CD70: variants seen among roughly 807,000 people sequenced by gnomAD.
The protein encoded by CD70 is CD70 molecule.
In CD70, 6 loss-of-function variants were observed where a neutral mutation model predicts 9.0. The ratio of observed to expected loss-of-function variants is 0.67; its 90% CI spans 0.37 to 1.32. The LOEUF (loss-of-function observed/expected upper bound fraction) is 1.32. Ranked by LOEUF, CD70 falls within the 40% of genes most tolerant of loss-of-function variation. CD70 has a pLI of 0.02. For missense variants in CD70, 235 were observed against 258.7 expected (o/e 0.91, Z 0.63); for synonymous variants, 108 against 112.3 (o/e 0.96, Z 0.24).
chr19:6,587,558 G>A (rs1376378243), intron 2 of CD70, among the ~76,000 whole-genome samples: 1 of 152,144 alleles, frequency 6.6e-6, no homozygotes, highest in Non-Finnish European at 1.5e-5. Flanking sequence ...GTGCACGAGA[G>A]AATTCCCCAA....
intron 2 of CD70, among the ~76,000 whole-genome samples, chr19:6,588,042 C>T (rs765299836): frequency 2.6e-5 from 4 of 152,160 alleles, no homozygotes; most frequent in Non-Finnish European, 5.9e-5. Context: ...CTCAGCGTCT[C>T]CTGTCTCCGC....
At chr19:6,586,820 G>A (rs1181231097) in intron 2 of CD70, among the ~76,000 whole-genome samples, 3 of 141,950 alleles carry the variant, frequency 2.1e-5, no homozygotes, top group African/African-American at 7.7e-5. Flanking sequence ...GGGATAGAAG[G>A]TTAGAGATCT....
At chr19:6,583,036 A>G, downstream of CD70, 1 of 298,758 alleles carries the variant, frequency 3.3e-6, no homozygotes, top group Non-Finnish European at 6.2e-6. Context: ...GAGGGGCTGC[A>G]GGGCTAGATT....
At chr19:6,587,333 A>G (rs1000811916) in intron 2 of CD70, among the ~76,000 whole-genome samples, 1 of 150,340 alleles carries the variant, frequency 6.7e-6, no homozygotes, top group Non-Finnish European at 1.5e-5. Flanking sequence ...CAAGAGAGAG[A>G]GTGTGTGTGT....
chr19:6,589,020 G>C (rs1013239154), intron 2 of CD70, among the ~76,000 whole-genome samples: 1 of 152,188 alleles, frequency 6.6e-6, no homozygotes, highest in African/African-American at 2.4e-5. Flanking sequence ...TTCCAAGGGA[G>C]GAGATCGAAT....
At chr19:6,585,024 C>A (rs2059154), downstream of CD70, among the ~76,000 whole-genome samples, 58,006 of 151,692 alleles carry the variant, frequency 0.38, 11,365 homozygotes, top group East Asian at 0.68. Context: ...TGCGACACCC[C>A]TCACCAGGCT....
In CD70 at chr19:6,590,031, GTCTT is replaced by G. The variant is rs1916122302; in HGVS notation, c.196+68_196+71del. 4 of 1,256,548 alleles carry G rather than the reference GTCTT, an allele frequency of 3.2e-6. No homozygotes were observed. Among genetic ancestry groups the G allele is most frequent in the Non-Finnish European group, 4.6e-6 (4 of 873,490 alleles). 77.8% of individuals were successfully genotyped at this position (1,256,548 alleles called of 1,614,324 possible). A position where few individuals can be genotyped will look rare whatever the true frequency, so the allele number is the denominator to read the frequency against. The stretch of plus-strand genomic sequence containing the variant: ...TCTTTCTCTCTGTCTCTCCCCACTT[GTCTT>G]TCTACCTCTCCTTCCTTCTCTCTCT... On this transcript the variant is annotated intron_variant, in intron 2 of 2. Coordinates refer to ENST00000245903, the MANE Select transcript of CD70 (RefSeq NM_001252.5). The surrounding 1 kb of genome is among the most constrained non-coding windows in gnomAD (Gnocchi z 5.3).
At chr19:6,581,782 A>C (rs1915922034), downstream of CD70, among the ~76,000 whole-genome samples, 1 of 152,148 alleles carries the variant, frequency 6.6e-6, no homozygotes, top group Non-Finnish European at 1.5e-5. Flanking sequence ...TCCTCAAACT[A>C]GTCATGCCTT....
intron 2 of CD70, among the ~76,000 whole-genome samples, chr19:6,588,382 G>C (rs902075847): frequency 2.0e-5 from 3 of 152,092 alleles, no homozygotes; most frequent in African/African-American, 7.2e-5. Context: ...TATGGCAAAG[G>C]CCGGGGAGGG....
chr19:6,586,429 T>G (rs373925606), intron 2 of CD70, 24 bp from the exon 3 acceptor site: 2 of 1,579,486 alleles, frequency 1.3e-6, no homozygotes, highest in African/African-American at 1.4e-5. Context: ...GTTAGAGGGA[T>G]GAGAGGATGG....
chr19:6,586,575 G>A (rs1430956189), intron 2 of CD70, among the ~76,000 whole-genome samples, 170 bp from the exon 3 acceptor site: 1 of 152,112 alleles, frequency 6.6e-6, no homozygotes, highest in Non-Finnish European at 1.5e-5. Flanking sequence ...AAGGCGGGTG[G>A]ATCACCTGAG....
At chr19:6,589,972 T>A (rs994161291) in intron 2 of CD70, 131 bp downstream of exon 2, 8 of 576,962 alleles carry the variant, frequency 1.4e-5, no homozygotes, top group Non-Finnish European at 1.3e-5. Flanking sequence ...TCCCTATCTC[T>A]CCCTCCCTCT....
At chr19:6,582,385 T>C (rs1915935215), downstream of CD70, among the ~76,000 whole-genome samples, 1 of 149,526 alleles carries the variant, frequency 6.7e-6, no homozygotes, top group South Asian at 2.1e-4. Context: ...CTTTAAGTTC[T>C]AGGGTACATG....
downstream of CD70, among the ~76,000 whole-genome samples, chr19:6,584,932 TTTA>T (rs1246884106): frequency 4.0e-5 from 6 of 151,624 alleles, no homozygotes; most frequent in Admixed American, 2.6e-4. Context: ...CAAGTGATCT[TTTA>T]TTATTATTAT....
At chr19:6,589,735 C>G (rs1245097392) in intron 2 of CD70, among the ~76,000 whole-genome samples, 1 of 151,538 alleles carries the variant, frequency 6.6e-6, no homozygotes, top group Non-Finnish European at 1.5e-5. Context: ...TCTTTTTTCT[C>G]TTTCTCCGTC....
At chr19:6,586,967 TAG>T (rs1282919909) in intron 2 of CD70, among the ~76,000 whole-genome samples, 1 of 134,338 alleles carries the variant, frequency 7.4e-6, no homozygotes, top group African/African-American at 2.9e-5. Flanking sequence ...GAGAGATATA[TAG>T]AGAGAGAATG....
chr19:6,587,685 CT>C (rs1167498173), intron 2 of CD70, among the ~76,000 whole-genome samples: 1 of 152,064 alleles, frequency 6.6e-6, no homozygotes, highest in Non-Finnish European at 1.5e-5. Flanking sequence ...GCTCCCCTAC[CT>C]TCCCGTTGGC....
At chr19:6,587,984 G>A (rs1461133182) in intron 2 of CD70, among the ~76,000 whole-genome samples, 1 of 152,156 alleles carries the variant, frequency 6.6e-6, no homozygotes, top group East Asian at 1.9e-4. Flanking sequence ...AAAGCGCTGG[G>A]ATCACAGCCG....
rs1287173476 is a variant in CD70 at position 6,590,797 on chromosome 19, G to A, written c.162+44C>T. The A allele has an allele frequency of 2.0e-6, 3 of 1,521,312 alleles. No individual in the cohort carries two copies. Among genetic ancestry groups the A allele is most frequent in the African/African-American group, 1.4e-5 (1 of 73,306 alleles). 94.2% of individuals were successfully genotyped at this position (1,521,312 alleles called of 1,614,324 possible). ...CATCTCATTCTGTCTTTTCGGTCACGCGCCTCTCTATGTTTTCTTCCCAAC... is the reference window on the plus strand; with the variant it reads ...CATCTCATTCTGTCTTTTCGGTCACACGCCTCTCTATGTTTTCTTCCCAAC... On this transcript the variant is annotated intron_variant, in intron 1 of 2. Coordinates refer to ENST00000245903, the MANE Select transcript of CD70 (RefSeq NM_001252.5). The surrounding 1 kb of genome is among the most constrained non-coding windows in gnomAD (Gnocchi z 5.3).
Sources: gnomAD v4.1 joint callset for allele counts (sites outside exome capture counted in the v4.1 genomes callset) on GRCh38, gnomAD v4.1.1 for gene constraint, Gnocchi (gnomAD v3.1) non-coding constraint, MANE v1.5 for transcripts, NCBI Gene and HGNC (gene_info 2026-07-23, HGNC 2026-07-21) for gene names.